TTBK2: variants seen among roughly 807,000 people sequenced by gnomAD.
TTBK2 encodes tau-tubulin kinase 2.
A neutral mutation model predicts 110.8 loss-of-function variants in TTBK2; 28 were observed. The ratio of observed to expected loss-of-function variants is 0.25; its 90% CI spans 0.19 to 0.35. The LOEUF (loss-of-function observed/expected upper bound fraction) is 0.35. Ranked by LOEUF, TTBK2 falls within the 10% of genes least tolerant of loss-of-function variation. The pLI is 1.00. For synonymous variants in TTBK2, 532 were observed against 527.3 expected, an observed-to-expected ratio of 1.01 and a Z score of -0.12; for missense variants, 1,369 against 1,500.3, an observed-to-expected ratio of 0.91 and a Z score of 1.45.
chr15:42,739,434 T>TC lies in TTBK2; in HGVS notation c.*6360dup, dbSNP rs1343070661. 2 of 152,112 alleles carry TC rather than the reference T, an allele frequency of 1.3e-5. No homozygotes were observed. Among genetic ancestry groups the TC allele is most frequent in the Admixed American group, 6.6e-5 (1 of 15,258 alleles). 9.4% of individuals were successfully genotyped at this position (152,112 alleles called of 1,614,324 possible). A position where few individuals can be genotyped will look rare whatever the true frequency, so the allele number is the denominator to read the frequency against. On this transcript the variant is annotated 3_prime_UTR_variant, in exon 15 of 15. Coordinates refer to ENST00000267890, the MANE Select transcript of TTBK2 (RefSeq NM_173500.4). ...GTATATCTAATTCAAAACTAGATGC[T>TC]CCCCCCTCCCTCTTTTTTCCCTAAA... is the stretch of plus-strand genomic sequence containing the variant.
Position 42,794,758 on chromosome 15 carries a change from A to G in TTBK2, c.866T>C (p.Val289Ala), listed in dbSNP as rs934042586. ...CCAGTCAAAAGGGTCACTCTCAATT[A>G]CTCCAAAAGTCTTGATGCTATTGTC... ...VFDNSIKTFG[V>A]IESDPFDWEK... is the part of the protein sequence containing the mutation. Residue 289 changes from valine (V) to alanine (A), a missense_variant, in exon 10 of 15, where the codon GTA becomes GCA. Val to Ala is a moderately conservative substitution (Grantham distance 64, BLOSUM62 0). Coordinates refer to ENST00000267890, the MANE Select transcript of TTBK2 (RefSeq NM_173500.4). The G allele has an allele frequency of 1.2e-6, 2 of 1,614,082 alleles. No individual in the cohort carries two copies. The highest frequency in any genetic ancestry group is 3.3e-5 in the Admixed American group (2 of 60,020).
chr15:42,830,764 G>C (rs1173095363), intron 4 of TTBK2, among the ~76,000 whole-genome samples: 1 of 151,898 alleles, frequency 6.6e-6, no homozygotes, highest in African/African-American at 2.4e-5. Context: ...CCAGCACTTT[G>C]GCAGGCTGAG....
intron 3 of TTBK2, among the ~76,000 whole-genome samples, chr15:42,858,786 G>A (rs1296620624): frequency 1.3e-5 from 2 of 152,184 alleles, no homozygotes; most frequent in African/African-American, 4.8e-5. Context: ...ATTGCTGGAG[G>A]CTAGGTGTCA....
chr15:42,866,514 C>T lies in TTBK2; in HGVS notation c.217+6097G>A, dbSNP rs575558861. Among the ~76,000 whole-genome samples the T allele has an allele frequency of 1.1e-4, 17 of 152,044 alleles. No individual in the cohort carries two copies. In the South Asian group the frequency reaches 1.7e-3, roughly 15 times the overall value. ...ATCAGAAATGAACAGACCCAGCAGC[C>T]GGAAAATCAGTAAAGACACAGCTGA... On this transcript the variant is annotated intron_variant, in intron 3 of 14. Coordinates refer to ENST00000267890, the MANE Select transcript of TTBK2 (RefSeq NM_173500.4).
chr15:42,785,114 GATTTT>G (rs763260893), intron 10 of TTBK2, among the ~76,000 whole-genome samples: 1 of 122,686 alleles, frequency 8.2e-6, no homozygotes. Flanking sequence ...TTCACTTGCA[GATTTT>G]TTTTTTTTTT....
At chr15:42,898,562 T>C (rs889548076) in intron 1 of TTBK2, among the ~76,000 whole-genome samples, 11 of 151,598 alleles carry the variant, frequency 7.3e-5, no homozygotes, top group African/African-American at 2.7e-4. Flanking sequence ...AGAGTCATAA[T>C]AACTTAAACT....
intron 14 of TTBK2, among the ~76,000 whole-genome samples, chr15:42,749,752 C>T (rs1285216750): frequency 2.0e-5 from 3 of 152,070 alleles, no homozygotes; most frequent in Non-Finnish European, 2.9e-5. Context: ...TTCCCTTCTT[C>T]GGAGCCAGAT....
intron 7 of TTBK2, among the ~76,000 whole-genome samples, chr15:42,815,960 T>C: frequency 1.4e-5 from 1 of 71,184 alleles, no homozygotes; most frequent in South Asian, 3.9e-4. Context: ...AAAAAAAAAA[T>C]ATATATATAT....
chr15:42,893,010 CAA>C (rs780103161), intron 1 of TTBK2, among the ~76,000 whole-genome samples: 14 of 57,692 alleles, frequency 2.4e-4, no homozygotes, highest in Non-Finnish European at 3.0e-4. Context: ...GACTCTGTCT[CAA>C]AAAAAAAAAA....
chr15:42,876,984 T>C (rs1278899101), intron 2 of TTBK2, among the ~76,000 whole-genome samples: 2 of 152,024 alleles, frequency 1.3e-5, no homozygotes, highest in Admixed American at 6.6e-5. Flanking sequence ...ACAAATCTAA[T>C]TGATCACTTT....
At chr15:42,886,745 C>G (rs959996808) in intron 1 of TTBK2, among the ~76,000 whole-genome samples, 3 of 152,212 alleles carry the variant, frequency 2.0e-5, no homozygotes, top group Non-Finnish European at 4.4e-5. Flanking sequence ...TTCAAAACGC[C>G]TAAGCCACAG....
At position 42,783,618 on chromosome 15, in the gene TTBK2, G is replaced by A. The variant is rs1351969324; in HGVS notation, c.998C>T (p.Pro333Leu). The A allele has an allele frequency of 4.3e-6, 7 of 1,613,754 alleles. No individual in the cohort carries two copies. The East Asian group carries it at 6.7e-5, about 15-fold the overall frequency. The change falls in exon 11 of 15, where the codon CCC (proline) becomes CTC (leucine). Residue 333 changes from proline to leucine, a missense_variant. Coordinates refer to ENST00000267890, the MANE Select transcript of TTBK2 (RefSeq NM_173500.4). ...TTCTCGAAGCAAGTCTCCAGGGATG[G>A]GAGTAGCATTGGCAATTCTACATAT... ...PAAIGIANAT[P>L]IPGDLLRENT...
At chr15:42,814,011 A>C (rs1306755451) in intron 7 of TTBK2, among the ~76,000 whole-genome samples, 2 of 152,078 alleles carry the variant, frequency 1.3e-5, no homozygotes, top group African/African-American at 4.8e-5. Context: ...ACAGAGTTCA[A>C]GTGTTTTTTT....
intron 1 of TTBK2, among the ~76,000 whole-genome samples, chr15:42,884,218 ATAAC>A (rs1895158434): frequency 6.6e-6 from 1 of 152,214 alleles, no homozygotes; most frequent in Non-Finnish European, 1.5e-5. Context: ...TCCCAAATAA[ATAAC>A]TAGACAGAAA....
At position 42,794,767 on chromosome 15, in the gene TTBK2, G is replaced by A. The variant is rs759864648; in HGVS notation, c.857C>T (p.Thr286Ile). ...AGGGTCACTCTCAATTACTCCAAAA[G>A]TCTTGATGCTATTGTCAAACACGGA... ...LTSVFDNSIKTFGVIESDPFD... is the reference protein window; with the variant it reads ...LTSVFDNSIKIFGVIESDPFD... Residue 286 changes from threonine to isoleucine, a missense_variant, in exon 10 of 15, where the codon ACT (threonine) becomes ATT (isoleucine). Transcript: ENST00000267890. 1 of 1,613,996 alleles carries A rather than the reference G, an allele frequency of 6.2e-7. No individual in the cohort carries two copies. Among genetic ancestry groups the A allele is most frequent in the African/African-American group, 1.3e-5 (1 of 74,886 alleles).
At chr15:42,755,621 A>G (rs980574015) in intron 13 of TTBK2, among the ~76,000 whole-genome samples, 1 of 152,240 alleles carries the variant, frequency 6.6e-6, no homozygotes, top group South Asian at 2.1e-4. Context: ...TCTTAGAATA[A>G]GCACAAATCT....
intron 2 of TTBK2, among the ~76,000 whole-genome samples, chr15:42,873,593 T>TA (rs915118095): frequency 8.6e-5 from 13 of 151,206 alleles, no homozygotes; most frequent in South Asian, 6.3e-4. Flanking sequence ...CAAATAAGAG[T>TA]AAAAAAAAAT....
At chr15:42,825,339 T>C (rs1446923593) in intron 6 of TTBK2, among the ~76,000 whole-genome samples, 3 of 152,118 alleles carry the variant, frequency 2.0e-5, no homozygotes, top group Non-Finnish European at 2.9e-5. Flanking sequence ...TAACACAAAA[T>C]ATAGAATGGA....
Position 42,819,105 on chromosome 15 carries a change from C to G in TTBK2, c.538-2008G>C, listed in dbSNP as rs545093039. On this transcript the variant is annotated intron_variant, in intron 6 of 14. Coordinates refer to ENST00000267890, the MANE Select transcript of TTBK2 (RefSeq NM_173500.4). Reference sequence around the variant, plus strand: ...AGTATAATTTTTGGGTTTTTTTTTTCTTAAGTAACCTCAAATTTTTCTCAA... The same window carrying G: ...AGTATAATTTTTGGGTTTTTTTTTTGTTAAGTAACCTCAAATTTTTCTCAA... Among the ~76,000 whole-genome samples, 32 of 146,940 alleles carry G rather than the reference C, an allele frequency of 2.2e-4. No individual in the cohort carries two copies. The East Asian group carries it at 6.0e-3, about 28-fold the overall frequency.
Sources: allele counts gnomAD v4.1 joint callset (sites outside exome capture counted in the v4.1 genomes callset), GRCh38; gene constraint gnomAD v4.1.1; transcripts MANE v1.5; gene names NCBI Gene and HGNC (gene_info 2026-07-23, HGNC 2026-07-21).